Variants in NUGGC observed in about 807,000 individuals in gnomAD.
NUGGC encodes the protein nuclear GTPase SLIP-GC.
Under a neutral mutation model 92.6 loss-of-function variants are expected in NUGGC, and 58 were observed. The ratio of observed to expected loss-of-function variants is 0.63; its 90% CI spans 0.51 to 0.78. NUGGC has a LOEUF of 0.78. Among genes scored for constraint, NUGGC ranks in the 30% least tolerant of loss-of-function variants. The pLI is 0.00. For synonymous variants in NUGGC, 376 were observed against 366.4 expected, an observed-to-expected ratio of 1.03 and a Z score of -0.30; for missense variants, 925 against 964.6, an observed-to-expected ratio of 0.96 and a Z score of 0.54.
At chr8:28,026,636 T>C (rs375261791) in intron 18 of NUGGC, among the ~76,000 whole-genome samples, 1 of 152,200 alleles carries the variant, frequency 6.6e-6, no homozygotes, top group East Asian at 1.9e-4. Flanking sequence ...TTTCTGCATC[T>C]GCAAAATGGA....
chr8:28,041,809 A>C (rs1301669800), intron 12 of NUGGC, among the ~76,000 whole-genome samples: 1 of 152,210 alleles, frequency 6.6e-6, no homozygotes, highest in East Asian at 1.9e-4. Flanking sequence ...TTCTTCAAAG[A>C]ATACAGTCTA....
intron 10 of NUGGC, among the ~76,000 whole-genome samples, chr8:28,048,439 G>C (rs1809899439): frequency 7.2e-6 from 1 of 139,184 alleles, no homozygotes; most frequent in Non-Finnish European, 1.6e-5. Context: ...GGATTTTTTT[G>C]TTTTTAAACA....
At chr8:28,052,474 T>C (rs1258595257) in intron 10 of NUGGC, among the ~76,000 whole-genome samples, 1 of 152,002 alleles carries the variant, frequency 6.6e-6, no homozygotes, top group East Asian at 1.9e-4. Context: ...CAATGACTGG[T>C]GTCTTTAAAA....
At chr8:28,080,638 C>G (rs1810827139) in intron 1 of NUGGC, among the ~76,000 whole-genome samples, 1 of 152,018 alleles carries the variant, frequency 6.6e-6, no homozygotes, top group East Asian at 1.9e-4. Context: ...TTTTTTGTAT[C>G]TATATCTAGA....
In NUGGC at chr8:28,022,203, G is replaced by C. The variant is rs1186114229; in HGVS notation, c.*1114C>G. 1 of 94,380 alleles carries C rather than the reference G, an allele frequency of 1.1e-5. No individual in the cohort carries two copies. Among genetic ancestry groups the C allele is most frequent in the Non-Finnish European group, 2.4e-5 (1 of 41,716 alleles). The allele number at this position is 94,380 out of a possible 1,614,324, so 5.8% of individuals were successfully genotyped here. A position where few individuals can be genotyped will look rare whatever the true frequency, so the allele number is the denominator to read the frequency against. On this transcript the variant is annotated 3_prime_UTR_variant, in exon 19 of 19. Transcript: ENST00000413272. ...AGACATAGTCTCACTCCGTCGTCCA[G>C]GCTGGAGTGCAGTGGCGCGACCTTG... is the stretch of plus-strand genomic sequence containing the variant.
intron 18 of NUGGC, among the ~76,000 whole-genome samples, chr8:28,025,509 G>A (rs1470094594): frequency 6.6e-6 from 1 of 152,186 alleles, no homozygotes; most frequent in Non-Finnish European, 1.5e-5. Context: ...GCAAGCGGGA[G>A]TTCTTTAAAG....
At chr8:28,028,060 TAA>T (rs36109977) in intron 17 of NUGGC, among the ~76,000 whole-genome samples, 66 of 143,032 alleles carry the variant, frequency 4.6e-4, no homozygotes, top group African/African-American at 1.1e-3. Flanking sequence ...TGGCGTTCTT[TAA>T]AAAAAAAAAA....
At chr8:28,048,227 G>C (rs1809890894) in intron 10 of NUGGC, among the ~76,000 whole-genome samples, 1 of 152,162 alleles carries the variant, frequency 6.6e-6, no homozygotes, top group African/African-American at 2.4e-5. Context: ...TTCTGAAATT[G>C]AGATGCATCT....
At position 28,044,976 on chromosome 8, in the gene NUGGC, T is replaced by C. The variant is rs539072989; in HGVS notation, c.1446+551A>G. On this transcript the variant is annotated intron_variant, in intron 12 of 18. Coordinates refer to ENST00000413272, the MANE Select transcript of NUGGC (RefSeq NM_001010906.2). ...CCATGAAAGAGATAAATATGTCAAT[T>C]ACTATGAGAAAAGTAATTTTAACTA... Among the ~76,000 whole-genome samples, 18 of 152,322 alleles carry C rather than the reference T, an allele frequency of 1.2e-4. No homozygotes were observed. In the East Asian group the frequency reaches 3.5e-3, roughly 29 times the overall value.
At chr8:28,071,469 C>T (rs1810589000) in intron 2 of NUGGC, among the ~76,000 whole-genome samples, 2 of 152,194 alleles carry the variant, frequency 1.3e-5, no homozygotes, top group African/African-American at 4.8e-5. Context: ...GGATGCCCTT[C>T]AGAGATCCTT....
At chr8:28,039,153 G>A (rs192494340) in intron 13 of NUGGC, among the ~76,000 whole-genome samples, 87 of 151,786 alleles carry the variant, frequency 5.7e-4, no homozygotes, top group South Asian at 2.3e-3. Flanking sequence ...TGGTTCTTTC[G>A]GCATTTATTC....
At position 28,040,635 on chromosome 8, in the gene NUGGC, T is replaced by C. The variant is rs551464418; in HGVS notation, c.1611+416A>G. 2.0e-4 allele frequency among the ~76,000 whole-genome samples: 31 copies of C among 151,528 alleles called. No homozygotes were observed. In the South Asian group the frequency reaches 2.3e-3, roughly 11 times the overall value. On this transcript the variant is annotated intron_variant, in intron 13 of 18. Coordinates refer to ENST00000413272, the MANE Select transcript of NUGGC (RefSeq NM_001010906.2). ...AACCTCCTCTGGCTCTTTTTTTTTGTTTTTTGTTTTTTGTTCTTGTTTTTT... is the reference window on the plus strand; with the variant it reads ...AACCTCCTCTGGCTCTTTTTTTTTGCTTTTTGTTTTTTGTTCTTGTTTTTT...
chr8:28,069,459 C>T (rs755583025), intron 4 of NUGGC, 85 bp downstream of exon 4: 5 of 689,180 alleles, frequency 7.3e-6, no homozygotes, highest in South Asian at 5.7e-5. Context: ...TTAAATAGTC[C>T]CTTTCCTTGT....
intron 2 of NUGGC, among the ~76,000 whole-genome samples, chr8:28,073,884 C>T (rs1413637748): frequency 6.6e-6 from 1 of 152,088 alleles, no homozygotes; most frequent in African/African-American, 2.4e-5. Context: ...CTGTGACCTC[C>T]GCCTCCTGGG....
chr8:28,060,953 C>T (rs114615979), intron 7 of NUGGC, among the ~76,000 whole-genome samples: 2,972 of 152,268 alleles, frequency 0.02, 34 homozygotes, highest in Middle Eastern at 0.051. Flanking sequence ...TGATGGGAAG[C>T]GACTGTCTGC....
intron 4 of NUGGC, among the ~76,000 whole-genome samples, chr8:28,069,016 C>T (rs1379169462): frequency 4.6e-5 from 7 of 152,200 alleles, no homozygotes; most frequent in African/African-American, 7.2e-5. Flanking sequence ...TCAGCCACTA[C>T]ACCTGGACAG....
intron 1 of NUGGC, among the ~76,000 whole-genome samples, chr8:28,079,573 C>T (rs150596860): frequency 6.6e-6 from 1 of 152,286 alleles, no homozygotes; most frequent in Admixed American, 6.5e-5. Flanking sequence ...TCTACAGATC[C>T]AGACCCTGAG....
At chr8:28,034,570 C>T (rs1285590660) in intron 13 of NUGGC, among the ~76,000 whole-genome samples, 1 of 152,164 alleles carries the variant, frequency 6.6e-6, no homozygotes, top group African/African-American at 2.4e-5. Flanking sequence ...AATCTCAGCA[C>T]TTCGGGAGGC....
rs1161848593 is a variant in NUGGC at position 28,069,646 on chromosome 8, T to G, written c.155A>C (p.Lys52Thr). The G allele has an allele frequency of 6.3e-7, 1 of 1,593,946 alleles. No individual in the cohort carries two copies. Reference protein sequence around the residue: ...MEQSALKEYEKLESRTRRVLS... With the variant: ...MEQSALKEYETLESRTRRVLS... Reference sequence around the variant, plus strand: ...AACCCTTCTGGTCCGTGATTCCAATTTTTCATCTGGAATTAACAGAGAGAT... The same window carrying G: ...AACCCTTCTGGTCCGTGATTCCAATGTTTCATCTGGAATTAACAGAGAGAT... Residue 52 changes from lysine to threonine, a missense_variant, in exon 4 of 19, where the codon AAA (lysine) becomes ACA (threonine). Lys to Thr is a moderately conservative substitution (Grantham distance 78, BLOSUM62 -1). Coordinates refer to ENST00000413272, the MANE Select transcript of NUGGC (RefSeq NM_001010906.2).
Sources: gnomAD v4.1 joint callset for allele counts (sites outside exome capture counted in the v4.1 genomes callset) on GRCh38, gnomAD v4.1.1 for gene constraint, MANE v1.5 for transcripts, NCBI Gene and HGNC (gene_info 2026-07-23, HGNC 2026-07-21) for gene names.